NFATC1: variants seen among roughly 807,000 people sequenced by gnomAD.
NFATC1 encodes the protein nuclear factor of activated T-cells, cytoplasmic 1.
In NFATC1, 22 loss-of-function variants were observed where a neutral mutation model predicts 76.0. The ratio of observed to expected loss-of-function variants is 0.29; its 90% confidence interval spans 0.21 to 0.41. NFATC1 has a LOEUF of 0.41. NFATC1 is among the 10% of genes least tolerant of loss of function. The pLI is 1.00. For missense variants in NFATC1, 1,357 were observed against 1,337.7 expected (o/e 1.01, Z -0.23); for synonymous variants, 704 against 613.1 (o/e 1.15, Z -2.19).
Position 79,493,057 on chromosome 18 carries a change from G to C in NFATC1, c.2782+6120G>C, listed in dbSNP as rs201757589. Among the ~76,000 whole-genome samples, 25 of 152,212 alleles carry C rather than the reference G, an allele frequency of 1.6e-4. 1 individual carries two copies. The East Asian group carries it at 4.6e-3, about 28-fold the overall frequency. On this transcript the variant is annotated intron_variant, in intron 9 of 9. Coordinates refer to ENST00000427363, the MANE Select transcript of NFATC1 (RefSeq NM_001278669.2). ...ATTGGGCTTTCCCCTCAGACTTCTC[G>C]AGCATGGCCGAGCCACAGAGGTTCA...
At position 79,410,204 on chromosome 18, in the gene NFATC1, G is replaced by T. The variant is rs1204320067; in HGVS notation, c.128-199G>T. The T allele has an allele frequency of 1.8e-5, 15 of 849,048 alleles. No individual in the cohort carries two copies. The highest frequency in any genetic ancestry group is 9.4e-5 in the Admixed American group (5 of 52,960). The allele number at this position is 849,048 out of a possible 1,614,324, so 52.6% of individuals were successfully genotyped here. A position where few individuals can be genotyped will look rare whatever the true frequency, so the allele number is the denominator to read the frequency against. On this transcript the variant is annotated intron_variant, in intron 1 of 9. Transcript: ENST00000427363. The surrounding 1 kb of genome is among the most constrained non-coding windows in gnomAD (Gnocchi z 6.7). ...GCAGTGAGGGGCTCACGGGAGCCTT[G>T]TTGGCCAGGTGGGACTGGGGCTGTC...
intron 2 of NFATC1, among the ~76,000 whole-genome samples, chr18:79,432,979 C>T (rs1340672624): frequency 6.6e-6 from 1 of 152,194 alleles, no homozygotes; most frequent in Admixed American, 6.5e-5. Flanking sequence ...CGAACAGCCT[C>T]CCACAGCCCT....
rs116118186 is a variant in NFATC1, at chr18:79,488,874, G to A, written c.2782+1937G>A. 9.5e-3 allele frequency among the ~76,000 whole-genome samples: 1,441 copies of A among 152,284 alleles called. 25 individuals carry two copies. Among genetic ancestry groups the A allele is most frequent in the African/African-American group, 0.03 (1,231 of 41,556 alleles). On this transcript the variant is annotated intron_variant, in intron 9 of 9. Coordinates refer to ENST00000427363, the MANE Select transcript of NFATC1 (RefSeq NM_001278669.2). ...ATTGGGTAGTGCCCTGCAGGCCCAG[G>A]TGGGAAGCAGGTCCCGGTCATGTTT...
intron 3 of NFATC1, among the ~76,000 whole-genome samples, chr18:79,445,584 C>A (rs181646364): frequency 1.2e-4 from 19 of 152,342 alleles, no homozygotes; most frequent in Non-Finnish European, 4.4e-5. Context: ...TCAAATTAAT[C>A]CAGCATGGGG....
intron 9 of NFATC1, 22 bp downstream of exon 9, chr18:79,486,959 G>A (rs1006514504): frequency 1.7e-5 from 27 of 1,570,792 alleles, no homozygotes; most frequent in Non-Finnish European, 2.3e-5. Flanking sequence ...CAGCCATGCA[G>A]GTGTGTGCCC....
At chr18:79,496,185 AGTT>A (rs1387113457) in intron 9 of NFATC1, 1 of 152,696 alleles carries the variant, frequency 6.5e-6, no homozygotes, top group Non-Finnish European at 1.5e-5. Flanking sequence ...TTTCAAATCA[AGTT>A]GCCTAGCTTC....
rs35034400 is a variant in NFATC1 at position 79,520,714 on chromosome 18, TGGGG to T, written c.2783-6807_2783-6804del. On this transcript the variant is annotated intron_variant, in intron 9 of 9. Coordinates refer to ENST00000427363, the MANE Select transcript of NFATC1 (RefSeq NM_001278669.2). ...GGGGGCATCCACTGATATGTGTGTG[TGGGG>T]GGGGGGCATCCACTGATGTGTGTGT... Among the ~76,000 whole-genome samples the T allele has an allele frequency of 3.4e-3, 24 of 7,024 alleles. 1 individual carries two copies. The highest frequency in any genetic ancestry group is 4.7e-3 in the Non-Finnish European group (20 of 4,216). 4.6% of individuals were successfully genotyped at this position (7,024 alleles called of 152,430 possible).
At chr18:79,419,605 C>T (rs1384480637) in intron 2 of NFATC1, among the ~76,000 whole-genome samples, 1 of 152,176 alleles carries the variant, frequency 6.6e-6, no homozygotes, top group East Asian at 1.9e-4. Flanking sequence ...CCCGTGGAGA[C>T]AGCGTGAGGG....
chr18:79,464,201 T>C (rs943389453), intron 7 of NFATC1, among the ~76,000 whole-genome samples: 2 of 152,192 alleles, frequency 1.3e-5, no homozygotes, highest in Admixed American at 1.3e-4. Flanking sequence ...GCGATTCTCA[T>C]GCCTCAGTCT....
intron 6 of NFATC1, among the ~76,000 whole-genome samples, chr18:79,455,501 C>T (rs2087659659): frequency 6.6e-6 from 1 of 152,180 alleles, no homozygotes; most frequent in South Asian, 2.1e-4. Flanking sequence ...CGGGCTGTGC[C>T]AGGGCTCCTA....
intron 3 of NFATC1, among the ~76,000 whole-genome samples, chr18:79,440,677 G>A (rs952616294): frequency 4.6e-5 from 7 of 152,246 alleles, no homozygotes; most frequent in Non-Finnish European, 8.8e-5. Flanking sequence ...GCCACTGTCT[G>A]CACTGTCCAG....
intron 3 of NFATC1, among the ~76,000 whole-genome samples, chr18:79,440,344 T>C (rs1600718095): frequency 6.6e-6 from 1 of 152,152 alleles, no homozygotes; most frequent in African/African-American, 2.4e-5. Context: ...TGGAACATGC[T>C]CTATCCCAGC....
At chr18:79,435,630 T>C (rs2086748223) in intron 3 of NFATC1, among the ~76,000 whole-genome samples, 2 of 152,216 alleles carry the variant, frequency 1.3e-5, no homozygotes, top group African/African-American at 4.8e-5. Flanking sequence ...ATCCCGTCTC[T>C]GGTTCTGCCA....
chr18:79,413,158 C>T (rs8086051), intron 2 of NFATC1, among the ~76,000 whole-genome samples: 12,213 of 152,232 alleles, frequency 0.08, 682 homozygotes, highest in Non-Finnish European at 0.11. Flanking sequence ...CGTCCATCAC[C>T]GCGGAACTTC....
intron 3 of NFATC1, among the ~76,000 whole-genome samples, chr18:79,439,039 G>T (rs1363776031): frequency 6.6e-6 from 1 of 152,216 alleles, no homozygotes; most frequent in South Asian, 2.1e-4. Flanking sequence ...CACTTTGTGT[G>T]GTACCTTCAG....
At chr18:79,485,945 C>T (rs555877868) in intron 8 of NFATC1, among the ~76,000 whole-genome samples, 1 of 152,356 alleles carries the variant, frequency 6.6e-6, no homozygotes, top group South Asian at 2.1e-4. Flanking sequence ...GCTTTGATTC[C>T]TGCAAACCCA....
intron 9 of NFATC1, among the ~76,000 whole-genome samples, chr18:79,520,601 C>CCA (rs2090501897): frequency 9.7e-6 from 1 of 102,686 alleles, no homozygotes; most frequent in African/African-American, 3.9e-5. Flanking sequence ...ATGTGTGTGT[C>CCA]TGTGTGTGTG....
chr18:79,411,592 C>A (rs1393033673), intron 2 of NFATC1, 91 bp downstream of exon 2: 4 of 1,031,278 alleles, frequency 3.9e-6, no homozygotes, highest in Admixed American at 5.0e-5. Context: ...CGGCGCGGGG[C>A]GGCCGTGTCT....
At chr18:79,407,534 G>A (rs910247084) in intron 1 of NFATC1, among the ~76,000 whole-genome samples, 1 of 152,160 alleles carries the variant, frequency 6.6e-6, no homozygotes, top group Admixed American at 6.5e-5. Flanking sequence ...TGCAACCTCT[G>A]CCTCCTGGGC....
Sources: allele counts gnomAD v4.1 joint callset (sites outside exome capture counted in the v4.1 genomes callset), GRCh38; gene constraint gnomAD v4.1.1; non-coding constraint Gnocchi (gnomAD v3.1); transcripts MANE v1.5; gene names NCBI Gene and HGNC (gene_info 2026-07-23, HGNC 2026-07-21).